Variants in NBAS observed in about 807,000 individuals in gnomAD.
The protein encoded by NBAS is NBAS subunit of NRZ tethering complex.
Under a neutral mutation model 302.5 loss-of-function variants are expected in NBAS, and 219 were observed. The observed-to-expected ratio is 0.72, with a 90% confidence interval of 0.65 to 0.81. The LOEUF is 0.81. Among genes scored for constraint, NBAS ranks in the 30% least tolerant of loss-of-function variants. The pLI is 0.00. For synonymous variants in NBAS, 1,118 were observed against 1,021.6 expected, an observed-to-expected ratio of 1.09 and a Z score of -1.80; for missense variants, 2,932 against 2,841.6, an observed-to-expected ratio of 1.03 and a Z score of -0.72.
chr2:14,859,691 G>T, the NBAS span, among the ~76,000 whole-genome samples: 1 of 151,978 alleles, frequency 6.6e-6, no homozygotes, highest in Non-Finnish European at 1.5e-5. Flanking sequence ...AAATCAAAAT[G>T]GATTGAGGAC....
intron 32 of NBAS, among the ~76,000 whole-genome samples, chr2:15,357,735 T>C (rs1673695356): frequency 6.6e-6 from 1 of 152,164 alleles, no homozygotes; most frequent in African/African-American, 2.4e-5. Context: ...ACAATATCTT[T>C]AAAGCAAGTC....
chr2:15,400,489 T>G (rs531885964), intron 26 of NBAS, among the ~76,000 whole-genome samples: 2 of 152,138 alleles, frequency 1.3e-5, no homozygotes, highest in South Asian at 4.2e-4. Flanking sequence ...GGAAAGGACT[T>G]CCATAAAAGG....
intron 9 of NBAS, among the ~76,000 whole-genome samples, chr2:15,530,880 G>A (rs1433824169): frequency 6.6e-5 from 10 of 151,156 alleles, no homozygotes; most frequent in South Asian, 6.3e-4. Flanking sequence ...ATTTCAGAAC[G>A]CCAGGGGAAA....
At chr2:15,255,514 T>C (rs1424811677) in intron 44 of NBAS, among the ~76,000 whole-genome samples, 1 of 152,192 alleles carries the variant, frequency 6.6e-6, no homozygotes, top group African/African-American at 2.4e-5. Context: ...CTGTAGGTTG[T>C]TGAGTAGCTG....
At chr2:15,247,813 C>T (rs1300965613) in intron 44 of NBAS, among the ~76,000 whole-genome samples, 4 of 151,610 alleles carry the variant, frequency 2.6e-5, no homozygotes, top group Non-Finnish European at 4.4e-5. Flanking sequence ...AAAGCAAGTT[C>T]CTAGAGACCT....
At chr2:15,370,724 GC>G in intron 31 of NBAS, among the ~76,000 whole-genome samples, 1 of 152,332 alleles carries the variant, frequency 6.6e-6, no homozygotes, top group Admixed American at 6.5e-5. Context: ...GGGGCCTGTG[GC>G]CCCTTTGCTT....
the NBAS span, among the ~76,000 whole-genome samples, chr2:15,131,306 A>C: frequency 2.0e-5 from 3 of 152,170 alleles, no homozygotes; most frequent in Non-Finnish European, 2.9e-5. Context: ...CTCCAGGAGG[A>C]GAACGAGACT....
At chr2:14,895,085 T>C in the NBAS span, among the ~76,000 whole-genome samples, 1 of 151,878 alleles carries the variant, frequency 6.6e-6, no homozygotes, top group African/African-American at 2.4e-5. Context: ...ATAATAACCA[T>C]ATTATTTGGG....
chr2:15,209,006 A>C (rs1666279556), intron 48 of NBAS, among the ~76,000 whole-genome samples: 1 of 152,174 alleles, frequency 6.6e-6, no homozygotes, highest in Non-Finnish European at 1.5e-5. Flanking sequence ...TCACTAAAAC[A>C]AATCATTGGG....
chr2:14,943,095 G>A, the NBAS span, among the ~76,000 whole-genome samples: 1 of 152,114 alleles, frequency 6.6e-6, no homozygotes, highest in African/African-American at 2.4e-5. Context: ...TATTCCCCAG[G>A]CTTTTGCCCT....
At chr2:14,979,117 T>C in the NBAS span, among the ~76,000 whole-genome samples, 2 of 152,190 alleles carry the variant, frequency 1.3e-5, no homozygotes, top group African/African-American at 4.8e-5. Flanking sequence ...AGAAATTTCA[T>C]TTTTGCTTAT....
the NBAS span, among the ~76,000 whole-genome samples, chr2:15,079,107 A>G: frequency 7.9e-5 from 12 of 152,224 alleles, no homozygotes; most frequent in African/African-American, 2.4e-4. Flanking sequence ...TGACCTCAGA[A>G]TCCTCTCCAA....
At chr2:14,930,236 C>A in the NBAS span, among the ~76,000 whole-genome samples, 1 of 152,114 alleles carries the variant, frequency 6.6e-6, no homozygotes, top group Non-Finnish European at 1.5e-5. Flanking sequence ...CTGGAAAGTA[C>A]AGAAGCAGCA....
chr2:15,142,069 G>T, the NBAS span, among the ~76,000 whole-genome samples: 3 of 152,138 alleles, frequency 2.0e-5, no homozygotes, highest in African/African-American at 4.8e-5. Flanking sequence ...CACTGAATAT[G>T]GAATACCCAT....
chr2:15,404,951 C>T (rs1055794331), intron 25 of NBAS, among the ~76,000 whole-genome samples: 1 of 152,192 alleles, frequency 6.6e-6, no homozygotes, highest in African/African-American at 2.4e-5. Flanking sequence ...TTAAACACCT[C>T]TATGGCCTGC....
At chr2:15,034,262 AAGAAAGAAAGAAAGAG>A in the NBAS span, among the ~76,000 whole-genome samples, 99 of 99,224 alleles carry the variant, frequency 1.0e-3, 2 homozygotes, top group Non-Finnish European at 1.6e-3. Context: ...GAAAGAAAGA[AAGAAAGAAAGAAAGAG>A]AGAAAGAAAG....
chr2:14,881,037 C>A, the NBAS span, among the ~76,000 whole-genome samples: 1 of 151,802 alleles, frequency 6.6e-6, no homozygotes, highest in African/African-American at 2.4e-5. Context: ...CTTTAAGACT[C>A]AAGAAAGAAA....
intron 35 of NBAS, among the ~76,000 whole-genome samples, chr2:15,345,246 T>C (rs913555171): frequency 2.0e-5 from 3 of 152,302 alleles, no homozygotes; most frequent in African/African-American, 7.2e-5. Flanking sequence ...CCTGATTTTG[T>C]ATTTAGAAAA....
intron 30 of NBAS, among the ~76,000 whole-genome samples, chr2:15,378,252 G>A (rs1674850190): frequency 6.6e-6 from 1 of 152,136 alleles, no homozygotes; most frequent in African/African-American, 2.4e-5. Context: ...ACAACTCTGA[G>A]TAAGAAAAGT....
Sources: allele counts gnomAD v4.1 joint callset (sites outside exome capture counted in the v4.1 genomes callset), GRCh38; gene constraint gnomAD v4.1.1; transcripts MANE v1.5; gene names NCBI Gene and HGNC (gene_info 2026-07-23, HGNC 2026-07-21).